Variants in ADAMTS3 observed in about 807,000 individuals in gnomAD.
ADAMTS3 encodes A disintegrin and metalloproteinase with thrombospondin motifs 3.
ADAMTS3 carries 73 observed loss-of-function variants against 129.0 expected under a neutral mutation model. That is an observed-to-expected ratio of 0.57 (90% CI 0.47 to 0.69). The LOEUF (loss-of-function observed/expected upper bound fraction) is 0.69. Ranked by LOEUF, ADAMTS3 falls within the 30% of genes least tolerant of loss-of-function variation. The pLI is 0.00. For synonymous variants in ADAMTS3, 477 were observed against 510.8 expected (o/e 0.93, Z 0.89); for missense variants, 1,457 against 1,514.5 (o/e 0.96, Z 0.63).
chr4:72,330,356 C>G (rs1049728618), intron 5 of ADAMTS3: 2 of 152,162 alleles, frequency 1.3e-5, no homozygotes. Flanking sequence ...TGATTCATCT[C>G]TCTCATGTGT....
At chr4:72,450,969 A>AAAGAAG (rs1718385374) in intron 3 of ADAMTS3, among the ~76,000 whole-genome samples, 12 of 140,148 alleles carry the variant, frequency 8.6e-5, no homozygotes, top group Non-Finnish European at 1.5e-4. Flanking sequence ...GGCAGGCAAA[A>AAAGAAG]AGAAGAGAAG....
intron 4 of ADAMTS3, among the ~76,000 whole-genome samples, chr4:72,345,761 A>AT (rs1207800794): frequency 1.3e-5 from 2 of 152,084 alleles, no homozygotes; most frequent in East Asian, 3.9e-4. Context: ...ATAACATGAC[A>AT]TTTTTTAGAT....
chr4:72,489,081 T>G (rs1719665758), intron 3 of ADAMTS3, among the ~76,000 whole-genome samples: 1 of 151,986 alleles, frequency 6.6e-6, no homozygotes, highest in Non-Finnish European at 1.5e-5. Context: ...TCCTCCAGAT[T>G]CATCCATGTT....
At chr4:72,358,456 A>G (rs1466276209) in intron 4 of ADAMTS3, among the ~76,000 whole-genome samples, 1 of 151,972 alleles carries the variant, frequency 6.6e-6, no homozygotes, top group East Asian at 1.9e-4. Flanking sequence ...TGGGCTGTAC[A>G]TATATAATAT....
chr4:72,476,084 A>G (rs1405357998), intron 3 of ADAMTS3, among the ~76,000 whole-genome samples: 1 of 150,050 alleles, frequency 6.7e-6, no homozygotes, highest in Non-Finnish European at 1.5e-5. Context: ...AGAGCAAAGT[A>G]AACCCAAACT....
intron 3 of ADAMTS3, among the ~76,000 whole-genome samples, chr4:72,545,064 T>C (rs1399874098): frequency 3.3e-5 from 5 of 152,126 alleles, no homozygotes. Flanking sequence ...AAAAATATTA[T>C]TTAAATTTGA....
At chr4:72,508,081 A>G (rs1312015522) in intron 3 of ADAMTS3, among the ~76,000 whole-genome samples, 2 of 152,184 alleles carry the variant, frequency 1.3e-5, no homozygotes, top group African/African-American at 2.4e-5. Flanking sequence ...TACATGCACA[A>G]TTCAAAACCA....
chr4:72,437,697 C>A (rs1306551087), intron 3 of ADAMTS3, among the ~76,000 whole-genome samples: 1 of 151,648 alleles, frequency 6.6e-6, no homozygotes, highest in Non-Finnish European at 1.5e-5. Flanking sequence ...ATAACAGAAA[C>A]AATAATAGAA....
chr4:72,372,012 A>G (rs996512885), intron 4 of ADAMTS3, among the ~76,000 whole-genome samples: 3 of 152,162 alleles, frequency 2.0e-5, no homozygotes, highest in Non-Finnish European at 4.4e-5. Flanking sequence ...GTAGCCCACA[A>G]TAGTCATAAA....
At chr4:72,295,444 A>G (rs759544967) in intron 19 of ADAMTS3, among the ~76,000 whole-genome samples, 3 of 152,094 alleles carry the variant, frequency 2.0e-5, no homozygotes, top group Non-Finnish European at 2.9e-5. Context: ...CAAAATAAAT[A>G]TAACAGTTGA....
chr4:72,498,453 T>C (rs1465858538), intron 3 of ADAMTS3, among the ~76,000 whole-genome samples: 1 of 152,012 alleles, frequency 6.6e-6, no homozygotes, highest in Non-Finnish European at 1.5e-5. Flanking sequence ...AGAATTTGTT[T>C]TCAGAAGAAA....
At chr4:72,552,251 G>A (rs1488260368) in intron 2 of ADAMTS3, among the ~76,000 whole-genome samples, 2 of 152,084 alleles carry the variant, frequency 1.3e-5, no homozygotes, top group Admixed American at 6.6e-5. Context: ...TTTTCTCTTA[G>A]GCTCAGTTTC....
Position 72,548,454 on chromosome 4 carries a change from C to T in ADAMTS3, c.504+24G>A, listed in dbSNP as rs377452300. The T allele has an allele frequency of 1.3e-4, 211 of 1,603,586 alleles. 1 individual carries two copies. The highest frequency in any genetic ancestry group is 7.5e-4 in the South Asian group (67 of 89,846). Reference sequence around the variant, plus strand: ...TGCACTCCCAGCACCTGCAAACATACGCACAAAACAGAAGGAGTCTTACCA... The same window carrying T: ...TGCACTCCCAGCACCTGCAAACATATGCACAAAACAGAAGGAGTCTTACCA... On this transcript the variant is annotated intron_variant, in intron 3 of 21. Transcript: ENST00000286657.
At chr4:72,288,902 A>G (rs372669897) in intron 20 of ADAMTS3, 34 bp from the exon 21 acceptor site, 2 of 1,225,412 alleles carry the variant, frequency 1.6e-6, no homozygotes, top group African/African-American at 3.0e-5. Context: ...ACAGACATTT[A>G]TTGCACCAAG....
chr4:72,514,615 A>G (rs1720406456), intron 3 of ADAMTS3, among the ~76,000 whole-genome samples: 1 of 152,122 alleles, frequency 6.6e-6, no homozygotes, highest in Non-Finnish European at 1.5e-5. Context: ...GCCTAGACTC[A>G]TCCTGTAGTT....
At chr4:72,470,014 G>T (rs74464458) in intron 3 of ADAMTS3, among the ~76,000 whole-genome samples, 5,770 of 152,192 alleles carry the variant, frequency 0.038, 131 homozygotes, top group Non-Finnish European at 0.048. Context: ...CTGCATGGGG[G>T]TTGGTTGCCC....
intron 20 of ADAMTS3, 145 bp downstream of exon 20, chr4:72,290,710 T>C: frequency 6.0e-6 from 5 of 833,910 alleles, no homozygotes; most frequent in Non-Finnish European, 9.4e-6. Context: ...AGCATTAATT[T>C]TTCCTAACAC....
intron 3 of ADAMTS3, among the ~76,000 whole-genome samples, chr4:72,478,267 G>A (rs1719303134): frequency 6.6e-6 from 1 of 151,922 alleles, no homozygotes; most frequent in South Asian, 2.1e-4. Flanking sequence ...CAATATCCTT[G>A]ATGAACATTG....
chr4:72,303,896 T>A, intron 17 of ADAMTS3, 21 bp downstream of exon 17: 1 of 1,612,044 alleles, frequency 6.2e-7, no homozygotes, highest in Non-Finnish European at 8.5e-7. Flanking sequence ...AACTATACCA[T>A]GAGCCCATAA....
Sources: allele counts gnomAD v4.1 joint callset (sites outside exome capture counted in the v4.1 genomes callset), GRCh38; gene constraint gnomAD v4.1.1; transcripts MANE v1.5; gene names NCBI Gene and HGNC (gene_info 2026-07-23, HGNC 2026-07-21).